The following LRRC61 variants were observed in gnomAD, a reference collection of about 807,000 sequenced individuals.
The protein encoded by LRRC61 is leucine rich repeat containing 61, also known as leucine-rich repeat-containing protein 61.
In LRRC61, 9 loss-of-function variants were observed where a neutral mutation model predicts 15.1. The ratio of observed to expected loss-of-function variants is 0.60; its 90% confidence interval spans 0.36 to 1.04. LRRC61 has a LOEUF of 1.04. Ranked by LOEUF, LRRC61 falls within the 50% of genes least tolerant of loss-of-function variation. LRRC61 has a pLI of 0.01. For synonymous variants in LRRC61, 173 were observed against 158.6 expected (o/e 1.09, Z -0.68); for missense variants, 344 against 335.6 (o/e 1.03, Z -0.20).
rs779012504 is a variant in LRRC61, at chr7:150,337,034, T to G, written c.173T>G (p.Leu58Arg). Residue 58 changes from leucine (L) to arginine (R), a missense_variant, in exon 3 of 3, where the codon CTG becomes CGG. Transcript: ENST00000359623. ...GGAGAGTGCCTGGGCCTGGAGTGGC[T>G]GGACCTATCAGGCAACGCGCTCACC... is the stretch of plus-strand genomic sequence containing the variant. ...CLGECLGLEW[L>R]DLSGNALTHL... 1 of 1,613,684 alleles carries G rather than the reference T, an allele frequency of 6.2e-7. No homozygotes were observed. The highest frequency in any genetic ancestry group is 8.5e-7 in the Non-Finnish European group (1 of 1,180,034).
rs146095396 is a variant in LRRC61 at position 150,336,977 on chromosome 7, G to A, written c.116G>A (p.Arg39His). ...SLESILLLKL[R>H]GLGLADLGCL... The stretch of plus-strand genomic sequence containing the variant: ...GAGTCCATCCTGCTACTGAAGCTGC[G>A]TGGCTTGGGACTGGCTGACCTGGGC... Residue 39 changes from arginine (R) to histidine (H), a missense_variant, in exon 3 of 3, where the codon CGT becomes CAT. Transcript: ENST00000359623. The A allele has an allele frequency of 5.6e-5, 91 of 1,613,966 alleles. No individual in the cohort carries two copies. The African/African-American group carries it at 1.1e-3, about 19-fold the overall frequency.
rs1230208327 is a variant in LRRC61 at position 150,323,382 on chromosome 7, G to A, written c.-493G>A. ...GCTCAGGCCTGCGGCGCTGGGAGAAGCACGCTGGCCAACAAGTTGGGTGGT... is the reference window on the plus strand; with the variant it reads ...GCTCAGGCCTGCGGCGCTGGGAGAAACACGCTGGCCAACAAGTTGGGTGGT... On this transcript the variant is annotated 5_prime_UTR_variant, in exon 1 of 3. Transcript: ENST00000359623. 1.0e-5 allele frequency: 3 copies of A among 295,250 alleles called. No homozygotes were observed. The East Asian group carries it at 4.6e-4, about 46-fold the overall frequency. 18.3% of individuals were successfully genotyped at this position (295,250 alleles called of 1,614,324 possible). A position where few individuals can be genotyped will look rare whatever the true frequency, so the allele number is the denominator to read the frequency against.
the LRRC61 span, among the ~76,000 whole-genome samples, chr7:150,310,941 G>A: frequency 5.9e-5 from 9 of 152,042 alleles, no homozygotes; most frequent in South Asian, 4.2e-4. Flanking sequence ...TACATATCTC[G>A]GCATAGTCCT....
At chr7:150,310,654 T>A in the LRRC61 span, among the ~76,000 whole-genome samples, 1 of 152,068 alleles carries the variant, frequency 6.6e-6, no homozygotes, top group Non-Finnish European at 1.5e-5. Flanking sequence ...TTTTCACCTT[T>A]ACCTGAACTG....
chr7:150,316,652 AT>A, the LRRC61 span, among the ~76,000 whole-genome samples: 3 of 151,908 alleles, frequency 2.0e-5, no homozygotes, highest in Non-Finnish European at 4.4e-5. Flanking sequence ...CGCTCAGCTA[AT>A]TTTTGTATTT....
chr7:150,330,566 G>GCAGCTCTGCACCGACTGT lies in LRRC61; in HGVS notation c.-145+4563_-145+4580dup. 1 of 782,376 alleles carries GCAGCTCTGCACCGACTGT rather than the reference G, an allele frequency of 1.3e-6. No individual in the cohort carries two copies. Among genetic ancestry groups the GCAGCTCTGCACCGACTGT allele is most frequent in the Non-Finnish European group, 2.4e-6 (1 of 420,742 alleles). 48.5% of individuals were successfully genotyped at this position (782,376 alleles called of 1,614,324 possible). ...TCCAGCTGGCTGAGGGGTTGGCCCG[G>GCAGCTCTGCACCGACTGT]CAGCTCTGCACCGACTGTCAGCTCA... On this transcript the variant is annotated intron_variant, in intron 2 of 2. Coordinates refer to ENST00000359623, the MANE Select transcript of LRRC61 (RefSeq NM_001142928.2). This position sits in a 1 kb window ranked among gnomAD's most constrained non-coding sequence, Gnocchi z 4.6.
rs932380326 is a variant in LRRC61, at chr7:150,335,672, G to A, written c.-144-1046G>A. Among the ~76,000 whole-genome samples the A allele has an allele frequency of 4.0e-5, 6 of 151,070 alleles. No individual in the cohort carries two copies. Among genetic ancestry groups the A allele is most frequent in the African/African-American group, 7.4e-5 (3 of 40,372 alleles). On this transcript the variant is annotated intron_variant, in intron 2 of 2. Transcript: ENST00000359623. This position sits in a 1 kb window ranked among gnomAD's most constrained non-coding sequence, Gnocchi z 4.3. ...AGATCTGCAGGGCAGGCATCACCCC[G>A]CCGGCCTGGGTGAGACTCCTGGGTC...
chr7:150,310,051 T>G, the LRRC61 span, among the ~76,000 whole-genome samples: 1 of 152,190 alleles, frequency 6.6e-6, no homozygotes, highest in South Asian at 2.1e-4. Flanking sequence ...TGGTGCCAAC[T>G]TAGACAACAT....
At chr7:150,311,338 C>G in the LRRC61 span, among the ~76,000 whole-genome samples, 2 of 152,222 alleles carry the variant, frequency 1.3e-5, no homozygotes, top group Non-Finnish European at 2.9e-5. Context: ...CTTGACCTCA[C>G]AGTTCTAGGC....
chr7:150,328,747 AG>A (rs1798021148), intron 2 of LRRC61: 2 of 152,262 alleles, frequency 1.3e-5, no homozygotes, highest in African/African-American at 4.8e-5. Flanking sequence ...GGAAACGTTA[AG>A]AATTTTAGTT....
At chr7:150,316,114 C>G in the LRRC61 span, among the ~76,000 whole-genome samples, 1 of 152,172 alleles carries the variant, frequency 6.6e-6, no homozygotes, top group African/African-American at 2.4e-5. Flanking sequence ...GGATAATTGC[C>G]TGAACCCGGG....
intron 2 of LRRC61, among the ~76,000 whole-genome samples, chr7:150,334,895 G>A: frequency 6.6e-6 from 1 of 152,140 alleles, no homozygotes. Context: ...GGTGGCGGGT[G>A]CCTGTAATCC....
intron 2 of LRRC61, chr7:150,331,096 C>T (rs781663253): frequency 1.9e-6 from 3 of 1,610,490 alleles, no homozygotes; most frequent in African/African-American, 1.3e-5. Flanking sequence ...TGTCTTACCC[C>T]CCACAGGAGC....
the LRRC61 span, among the ~76,000 whole-genome samples, chr7:150,313,496 C>T: frequency 6.6e-6 from 1 of 152,216 alleles, no homozygotes; most frequent in East Asian, 1.9e-4. Context: ...AGGTAGCAGG[C>T]TTCACAGAAT....
At position 150,336,801 on chromosome 7, in the gene LRRC61, C is replaced by G. The variant is rs1174077303; in HGVS notation, c.-61C>G. On this transcript the variant is annotated 5_prime_UTR_variant, in exon 3 of 3. Transcript: ENST00000359623. ...GAGCCAGGGCGAGCACCAGCTGACCCCCAGTGGAACCCTGTGACAGTCCTG... is the reference window on the plus strand; with the variant it reads ...GAGCCAGGGCGAGCACCAGCTGACCGCCAGTGGAACCCTGTGACAGTCCTG... The G allele has an allele frequency of 6.5e-7, 1 of 1,545,622 alleles. No homozygotes were observed. Among genetic ancestry groups the G allele is most frequent in the African/African-American group, 1.4e-5 (1 of 73,848 alleles).
At chr7:150,314,988 TAATATTATTA>T in the LRRC61 span, among the ~76,000 whole-genome samples, 10 of 147,462 alleles carry the variant, frequency 6.8e-5, no homozygotes, top group Non-Finnish European at 1.2e-4. Flanking sequence ...TTATTTTTAA[TAATATTATTA>T]AATATTATTA....
chr7:150,312,916 A>C, the LRRC61 span, among the ~76,000 whole-genome samples: 43 of 152,310 alleles, frequency 2.8e-4, no homozygotes, highest in Admixed American at 2.2e-3. Context: ...GAGCAGCTGA[A>C]AAACCACAAA....
chr7:150,328,419 C>A (rs545880654), intron 2 of LRRC61, among the ~76,000 whole-genome samples: 1 of 152,320 alleles, frequency 6.6e-6, no homozygotes, highest in South Asian at 2.1e-4. Context: ...AAGACCAACA[C>A]AGTATAGTTA....
upstream of LRRC61, among the ~76,000 whole-genome samples, chr7:150,318,505 T>C (rs1797165091): frequency 6.6e-6 from 1 of 152,244 alleles, no homozygotes; most frequent in Non-Finnish European, 1.5e-5. Flanking sequence ...GGCTCACGCC[T>C]GTAATCCCAG....
Sources: allele counts gnomAD v4.1 joint callset (sites outside exome capture counted in the v4.1 genomes callset), GRCh38; gene constraint gnomAD v4.1.1; non-coding constraint Gnocchi (gnomAD v3.1); transcripts MANE v1.5; gene names NCBI Gene and HGNC (gene_info 2026-07-23, HGNC 2026-07-21).